Variants in MGARP observed in about 807,000 individuals in gnomAD.
The protein encoded by MGARP is protein MGARP.
Under a neutral mutation model 11.0 loss-of-function variants are expected in MGARP, and 12 were observed. The observed-to-expected ratio is 1.09, with a 90% CI of 0.70 to 1.77. The LOEUF is 1.77. Among genes scored for constraint, MGARP ranks in the 40% most tolerant of loss-of-function variants. The pLI is 0.00. For missense variants in MGARP, 283 were observed against 297.8 expected (o/e 0.95, Z 0.36); for synonymous variants, 110 against 115.4 (o/e 0.95, Z 0.30).
intron 2 of MGARP, among the ~76,000 whole-genome samples, chr4:139,268,991 G>A (rs1291584162): frequency 3.3e-5 from 5 of 152,106 alleles, no homozygotes; most frequent in African/African-American, 4.8e-5. Context: ...GTGAGACAGG[G>A]GATGAGGAGA....
chr4:139,275,885 G>A (rs1744861610), intron 1 of MGARP, among the ~76,000 whole-genome samples: 1 of 152,144 alleles, frequency 6.6e-6, no homozygotes, highest in Non-Finnish European at 1.5e-5. Context: ...TAATACACAT[G>A]TAGGTATAGA....
At chr4:139,277,364 T>C (rs1377992943) in intron 1 of MGARP, among the ~76,000 whole-genome samples, 7 of 152,216 alleles carry the variant, frequency 4.6e-5, no homozygotes, top group Admixed American at 2.6e-4. Context: ...CCTTCTAATG[T>C]GCCCCAAAGG....
Position 139,275,331 on chromosome 4 carries a change from A to C in MGARP, c.144T>G (p.Tyr48Ter). The change falls in exon 2 of 4, where the codon TAT becomes TAG. Residue 48 changes from tyrosine (Y) to a stop codon, truncating the protein, a stop_gained. Coordinates refer to ENST00000398955, the MANE Select transcript of MGARP (RefSeq NM_032623.4). LOFTEE classifies it high-confidence loss of function. Reference sequence around the variant, plus strand: ...TGACTGTGACGCCTACAACCAGATAATAAATCATATTTGATCCAGATGATC... The same window carrying C: ...TGACTGTGACGCCTACAACCAGATACTAAATCATATTTGATCCAGATGATC... The part of the protein sequence containing the change: ...FPGSSGSNMI[Y>*]YLVVGVTVSA... 1.2e-6 allele frequency: 2 copies of C among 1,614,144 alleles called. No individual in the cohort carries two copies. Among genetic ancestry groups the C allele is most frequent in the Non-Finnish European group, 1.7e-6 (2 of 1,179,994 alleles).
chr4:139,266,475 C>T lies in MGARP; in HGVS notation c.*124G>A. ...TCTATCAGTGGATGCCAAAAATCTT[C>T]AAGACCCATTAACGTTTTCTAGAAA... is the stretch of plus-strand genomic sequence containing the variant. On this transcript the variant is annotated 3_prime_UTR_variant, in exon 4 of 4. Transcript: ENST00000398955. 1.1e-6 allele frequency: 1 copy of T among 925,548 alleles called. No homozygotes were observed. The highest frequency in any genetic ancestry group is 1.6e-6 in the Non-Finnish European group (1 of 634,242). 57.3% of individuals were successfully genotyped at this position (925,548 alleles called of 1,614,324 possible).
chr4:139,266,894 A>G lies in MGARP; in HGVS notation c.428T>C (p.Val143Ala). 6.2e-7 allele frequency: 1 copy of G among 1,614,066 alleles called. No individual in the cohort carries two copies. ...IKEASACPGH[V>A]EAAPETTAVS... ...TGCTGTGGTCTCCGGAGCAGCCTCC[A>G]CGTGACCTGGACAGGCAGATGCCTC... Residue 143 changes from valine (V) to alanine (A), a missense_variant, in exon 4 of 4, where the codon GTG becomes GCG. Physicochemically the swap from Val to Ala is moderately conservative, Grantham distance 64. Coordinates refer to ENST00000398955, the MANE Select transcript of MGARP (RefSeq NM_032623.4).
chr4:139,280,160 G>A lies in MGARP; in HGVS notation c.-2C>T, dbSNP rs780374660. 6.2e-7 allele frequency: 1 copy of A among 1,606,764 alleles called. No individual in the cohort carries two copies. The highest frequency in any genetic ancestry group is 8.5e-7 in the Non-Finnish European group (1 of 1,177,808). ...GGAGACCGCCCTGCGGAGATACATC[G>A]CGCCCGCTGTCCGCCGCGCAGCAGC... On this transcript the variant is annotated 5_prime_UTR_variant, in exon 1 of 4. Transcript: ENST00000398955.
At chr4:139,269,099 G>A (rs1302376866) in intron 2 of MGARP, among the ~76,000 whole-genome samples, 1 of 152,090 alleles carries the variant, frequency 6.6e-6, no homozygotes, top group Non-Finnish European at 1.5e-5. Flanking sequence ...TAACAAACCT[G>A]CACATGTACA....
intron 2 of MGARP, among the ~76,000 whole-genome samples, chr4:139,274,048 G>T (rs1341212971): frequency 6.6e-6 from 1 of 151,998 alleles, no homozygotes. Context: ...AGAAACTTAT[G>T]AACAAATATG....
At chr4:139,273,318 C>T (rs1744814970) in intron 2 of MGARP, among the ~76,000 whole-genome samples, 1 of 151,964 alleles carries the variant, frequency 6.6e-6, no homozygotes, top group Non-Finnish European at 1.5e-5. Flanking sequence ...TTCCCAGGCT[C>T]AAGCGATCCT....
chr4:139,268,736 G>T lies in MGARP; in HGVS notation c.216C>A (p.Ala72=). ...AATTTGTTTTATGTTCTGTGTGTTT[G>T]GCTTGGTCTGATGTGACTGTCTTGT... ...YAYKTVTSDQ[A]KHTEHKTNLK... The change falls in exon 3 of 4, where the codon GCC becomes GCA. Residue 72 remains alanine, a synonymous_variant. Coordinates refer to ENST00000398955, the MANE Select transcript of MGARP (RefSeq NM_032623.4). 6.2e-7 allele frequency: 1 copy of T among 1,611,932 alleles called. No homozygotes were observed. Among genetic ancestry groups the T allele is most frequent in the South Asian group, 1.1e-5 (1 of 90,754 alleles).
chr4:139,275,235 C>A, intron 2 of MGARP, 54 bp downstream of exon 2: 1 of 1,450,110 alleles, frequency 6.9e-7, no homozygotes, highest in Non-Finnish European at 9.6e-7. Flanking sequence ...TGAGCTTTAC[C>A]ATGAGTTGTA....
chr4:139,268,664 T>A lies in MGARP; in HGVS notation c.280+8A>T. The A allele has an allele frequency of 1.3e-6, 2 of 1,548,986 alleles. No homozygotes were observed. Among genetic ancestry groups the A allele is most frequent in the South Asian group, 2.4e-5 (2 of 84,064 alleles). ...AAATAAAAATAAAAAATTAAGAAAT[T>A]CATTTACCTTGAAATGGATGTATCT... On this transcript the variant is annotated splice_region_variant and intron_variant, in intron 3 of 3. Coordinates refer to ENST00000398955, the MANE Select transcript of MGARP (RefSeq NM_032623.4).
chr4:139,268,459 A>G (rs13120574), intron 3 of MGARP, among the ~76,000 whole-genome samples: 47,923 of 152,102 alleles, frequency 0.32, 8,561 homozygotes, highest in African/African-American at 0.49. Context: ...AATGTAAAAC[A>G]TTCATTTGTC....
rs539801444 is a variant in MGARP at position 139,278,099 on chromosome 4, T to C, written c.82+1978A>G. On this transcript the variant is annotated intron_variant, in intron 1 of 3. Transcript: ENST00000398955. ...AAAATTAGCTGGGTGTGGTGGCCCG[T>C]GCCTGTAATCCCAGCTACTCCGGAG... is the stretch of plus-strand genomic sequence containing the variant. Among the ~76,000 whole-genome samples the C allele has an allele frequency of 6.6e-5, 10 of 152,170 alleles. No homozygotes were observed. The East Asian group carries it at 1.7e-3, about 26-fold the overall frequency.
intron 2 of MGARP, among the ~76,000 whole-genome samples, chr4:139,273,749 G>A (rs1374306443): frequency 1.3e-5 from 2 of 151,224 alleles, no homozygotes; most frequent in South Asian, 2.1e-4. Context: ...CCTGACCTCA[G>A]GTGATCTGCC....
rs371376359 is a variant in MGARP at position 139,275,432 on chromosome 4, T to C, written c.83-40A>G. The stretch of plus-strand genomic sequence containing the variant: ...TTTAAACACAGTTAGCTTCACTAGT[T>C]GAGCAAAACTATTTTAAATAATTAC... On this transcript the variant is annotated intron_variant, in intron 1 of 3. Transcript: ENST00000398955. The C allele has an allele frequency of 6.1e-6, 9 of 1,480,802 alleles. No individual in the cohort carries two copies. In the African/African-American group the frequency reaches 1.3e-4, roughly 21 times the overall value. 91.7% of individuals were successfully genotyped at this position (1,480,802 alleles called of 1,614,324 possible).
chr4:139,278,528 C>T (rs1744906763), intron 1 of MGARP, among the ~76,000 whole-genome samples: 1 of 151,820 alleles, frequency 6.6e-6, no homozygotes, highest in Admixed American at 6.6e-5. Context: ...TCTATTTTGC[C>T]GCAAATTGGG....
chr4:139,278,214 T>C (rs1744901788), intron 1 of MGARP, among the ~76,000 whole-genome samples: 1 of 151,914 alleles, frequency 6.6e-6, no homozygotes, highest in Non-Finnish European at 1.5e-5. Context: ...GCAACAAGAG[T>C]GAAACTCTGT....
chr4:139,270,314 A>T (rs1321109331), intron 2 of MGARP, among the ~76,000 whole-genome samples: 4 of 149,744 alleles, frequency 2.7e-5, no homozygotes, highest in African/African-American at 9.9e-5. Flanking sequence ...AAAAAAAAAA[A>T]GAAAGAAAGA....
Sources: allele counts gnomAD v4.1 joint callset (sites outside exome capture counted in the v4.1 genomes callset), GRCh38; gene constraint gnomAD v4.1.1; transcripts MANE v1.5; gene names NCBI Gene and HGNC (gene_info 2026-07-23, HGNC 2026-07-21).